Variants in GAS7 observed in about 807,000 individuals in gnomAD.
GAS7 encodes the protein growth arrest-specific protein 7.
A neutral mutation model predicts 71.1 loss-of-function variants in GAS7; 28 were observed. That is an observed-to-expected ratio of 0.39 (90% CI 0.29 to 0.54). GAS7 has a LOEUF of 0.54. Among genes scored for constraint, GAS7 ranks in the 20% least tolerant of loss-of-function variants. The pLI is 0.62. For synonymous variants in GAS7, 258 were observed against 245.8 expected, an observed-to-expected ratio of 1.05 and a Z score of -0.46; for missense variants, 436 against 627.8, an observed-to-expected ratio of 0.69 and a Z score of 3.27.
chr17:10,145,023 CAGA>C lies in GAS7; in HGVS notation c.183+53182_183+53184del, dbSNP rs200992981. ...TGAGGAAGGACGGAACAATACATGA[CAGA>C]AGGAGTTAGTAGGTTCCAAACGGTG... On this transcript the variant is annotated intron_variant, in intron 1 of 13. Transcript: ENST00000432992. 3.9e-3 allele frequency among the ~76,000 whole-genome samples: 595 copies of C among 152,324 alleles called. 1 individual carries two copies. Among genetic ancestry groups the C allele is most frequent in the Middle Eastern group, 6.8e-3 (2 of 294 alleles).
chr17:9,947,084 T>C (rs571353557), intron 5 of GAS7, 101 bp from the exon 6 acceptor site: 83 of 726,966 alleles, frequency 1.1e-4, no homozygotes, highest in Middle Eastern at 2.4e-4. Context: ...GCCTCCCTAT[T>C]GACAGAACAC....
intron 1 of GAS7, among the ~76,000 whole-genome samples, chr17:10,193,168 G>T (rs531563768): frequency 3.4e-4 from 51 of 149,868 alleles, no homozygotes; most frequent in African/African-American, 1.2e-3. Context: ...TATGTCAATG[G>T]CTTAGTGGAC....
chr17:10,112,528 G>A (rs1276952107), intron 1 of GAS7, among the ~76,000 whole-genome samples: 1 of 152,174 alleles, frequency 6.6e-6, no homozygotes, highest in African/African-American at 2.4e-5. Context: ...CTGAGGTGAG[G>A]AGTTCGAGAC....
chr17:10,194,148 A>C (rs375074220), intron 1 of GAS7, among the ~76,000 whole-genome samples: 2 of 152,256 alleles, frequency 1.3e-5, no homozygotes, highest in South Asian at 2.1e-4. Context: ...CCAGAAAGAA[A>C]GGAAAAGGCT....
chr17:10,141,947 G>A (rs1480153239), intron 1 of GAS7, among the ~76,000 whole-genome samples: 2 of 151,068 alleles, frequency 1.3e-5, no homozygotes, highest in Non-Finnish European at 1.5e-5. Flanking sequence ...TTACATAGTA[G>A]GCCGGGCGCA....
At position 10,054,613 on chromosome 17, in the gene GAS7, G is replaced by A. The variant is rs114316284; in HGVS notation, c.184-34716C>T. Among the ~76,000 whole-genome samples, 331 of 152,242 alleles carry A rather than the reference G, an allele frequency of 2.2e-3. 1 individual carries two copies. Among genetic ancestry groups the A allele is most frequent in the African/African-American group, 7.1e-3 (296 of 41,548 alleles). ...TGTGCAACCCCTGATTGTAACTGTC[G>A]GGGGCCTTTATAAGCAGTCGTTTGA... On this transcript the variant is annotated intron_variant, in intron 1 of 13. Coordinates refer to ENST00000432992, the MANE Select transcript of GAS7 (RefSeq NM_201433.2).
chr17:10,143,578 T>TA, intron 1 of GAS7, among the ~76,000 whole-genome samples: 1 of 148,698 alleles, frequency 6.7e-6, no homozygotes, highest in South Asian at 2.1e-4. Flanking sequence ...TAAAGGTAAT[T>TA]AGGTTAAAAT....
intron 1 of GAS7, among the ~76,000 whole-genome samples, chr17:10,152,345 C>G (rs753093463): frequency 1.3e-5 from 2 of 152,194 alleles, no homozygotes; most frequent in East Asian, 3.9e-4. Flanking sequence ...TATTGAGGAA[C>G]GATTCTGTGC....
chr17:10,105,250 A>T (rs1047380944), intron 1 of GAS7, among the ~76,000 whole-genome samples: 2 of 152,150 alleles, frequency 1.3e-5, no homozygotes, highest in Non-Finnish European at 2.9e-5. Context: ...GGGGGAAGCC[A>T]CACCTTCTCT....
intron 2 of GAS7, among the ~76,000 whole-genome samples, chr17:10,006,991 C>T (rs372732592): frequency 1.4e-4 from 21 of 152,098 alleles, no homozygotes; most frequent in Admixed American, 6.5e-5. Flanking sequence ...CTTGGGGCTA[C>T]GATACATGTT....
intron 1 of GAS7, among the ~76,000 whole-genome samples, chr17:10,077,173 C>T (rs549341282): frequency 1.3e-5 from 2 of 152,252 alleles, no homozygotes; most frequent in South Asian, 4.2e-4. Context: ...CCAAAGAGCC[C>T]GTTAAGAGCT....
In GAS7 at chr17:9,926,830, G is replaced by A; in HGVS notation, c.886-61C>T. 3.1e-6 allele frequency: 5 copies of A among 1,590,048 alleles called. 1 individual carries two copies. In the Admixed American group the frequency reaches 5.0e-5, roughly 16 times the overall value. On this transcript the variant is annotated intron_variant, in intron 9 of 13. Transcript: ENST00000432992. This position sits in a 1 kb window ranked among gnomAD's most constrained non-coding sequence, Gnocchi z 5.0. The stretch of plus-strand genomic sequence containing the variant: ...GGGCATCAGCTGTAAGCCAGTGCAG[G>A]GAGGAGGGATGGGAGGGGCACCCCC...
chr17:10,141,836 T>G (rs925900591), intron 1 of GAS7, among the ~76,000 whole-genome samples: 6 of 152,242 alleles, frequency 3.9e-5, no homozygotes, highest in African/African-American at 1.4e-4. Flanking sequence ...ATAAATGTTA[T>G]TTTTGTTAAG....
intron 3 of GAS7, among the ~76,000 whole-genome samples, chr17:9,977,437 C>T (rs1209328517): frequency 6.6e-6 from 1 of 152,202 alleles, no homozygotes; most frequent in Non-Finnish European, 1.5e-5. Context: ...TTGCCTGTTA[C>T]TATTTCTCTC....
intron 5 of GAS7, among the ~76,000 whole-genome samples, chr17:9,950,947 G>C (rs968580867): frequency 5.3e-5 from 8 of 152,306 alleles, no homozygotes; most frequent in Non-Finnish European, 7.4e-5. Flanking sequence ...ATCAGCTGAG[G>C]CTGGGGAGTT....
chr17:10,064,873 G>A (rs2073264319), intron 1 of GAS7, among the ~76,000 whole-genome samples: 1 of 152,198 alleles, frequency 6.6e-6, no homozygotes, highest in South Asian at 2.1e-4. Flanking sequence ...CTGTCCCCAG[G>A]CTGAAGTACA....
chr17:10,088,377 G>A (rs1398769790), intron 1 of GAS7, among the ~76,000 whole-genome samples: 3 of 152,096 alleles, frequency 2.0e-5, no homozygotes, highest in Non-Finnish European at 4.4e-5. Context: ...ACCCCAGGCA[G>A]CTGGCTGCCA....
chr17:9,932,192 C>A (rs528207075), intron 9 of GAS7, among the ~76,000 whole-genome samples: 4 of 137,762 alleles, frequency 2.9e-5, no homozygotes, highest in Non-Finnish European at 4.7e-5. Flanking sequence ...AGGTCCCCCC[C>A]GCTTTTTTTT....
intron 2 of GAS7, among the ~76,000 whole-genome samples, chr17:10,012,371 T>A (rs2152191865): frequency 6.6e-6 from 1 of 152,318 alleles, no homozygotes; most frequent in South Asian, 2.1e-4. Flanking sequence ...CATTGCAACC[T>A]CTGCCTCCTG....
Sources: allele counts gnomAD v4.1 joint callset (sites outside exome capture counted in the v4.1 genomes callset), GRCh38; gene constraint gnomAD v4.1.1; non-coding constraint Gnocchi (gnomAD v3.1); transcripts MANE v1.5; gene names NCBI Gene and HGNC (gene_info 2026-07-23, HGNC 2026-07-21).